The following CAMK4 variants were observed in gnomAD, a reference collection of about 807,000 sequenced individuals.
CAMK4 encodes the protein calcium/calmodulin dependent protein kinase IV, also known as calcium/calmodulin-dependent protein kinase type IV.
CAMK4 carries 22 observed loss-of-function variants against 44.9 expected under a neutral mutation model. That is an observed-to-expected ratio of 0.49 (90% confidence interval 0.35 to 0.70). The LOEUF is 0.70. Among genes scored for constraint, CAMK4 ranks in the 30% least tolerant of loss-of-function variants. The probability of loss-of-function intolerance (pLI) is 0.01; values close to 1 mark genes in which losing one functional copy is unlikely to be tolerated. For missense variants in CAMK4, 498 were observed against 586.8 expected, an observed-to-expected ratio of 0.85 and a Z score of 1.56; for synonymous variants, 218 against 215.4, an observed-to-expected ratio of 1.01 and a Z score of -0.11.
At chr5:111,235,288 G>A (rs1344458713) in intron 1 of CAMK4, among the ~76,000 whole-genome samples, 2 of 152,050 alleles carry the variant, frequency 1.3e-5, no homozygotes, top group African/African-American at 4.8e-5. Flanking sequence ...ATTCAAATAA[G>A]TCATTTTTAT....
At chr5:111,460,319 G>A (rs1317582667) in intron 7 of CAMK4, among the ~76,000 whole-genome samples, 1 of 131,554 alleles carries the variant, frequency 7.6e-6, no homozygotes, top group African/African-American at 2.8e-5. Context: ...CCATGCTGGA[G>A]TGCAGTGGTG....
At chr5:111,258,955 A>G (rs1329593642) in intron 1 of CAMK4, among the ~76,000 whole-genome samples, 2 of 152,184 alleles carry the variant, frequency 1.3e-5, no homozygotes, top group Non-Finnish European at 1.5e-5. Context: ...AAATCTCAAC[A>G]TACGGTATGA....
chr5:111,274,281 GT>G (rs760809785), intron 1 of CAMK4, among the ~76,000 whole-genome samples: 1 of 151,922 alleles, frequency 6.6e-6, no homozygotes, highest in Non-Finnish European at 1.5e-5. Context: ...CCCTTAACTT[GT>G]TTTATTTTTC....
intron 1 of CAMK4, among the ~76,000 whole-genome samples, chr5:111,283,891 C>T (rs959406108): frequency 1.3e-5 from 2 of 152,190 alleles, no homozygotes; most frequent in African/African-American, 4.8e-5. Context: ...TTTCCATCCT[C>T]ATGAGCATTT....
intron 2 of CAMK4, among the ~76,000 whole-genome samples, chr5:111,363,892 T>A (rs1561440554): frequency 6.6e-6 from 1 of 152,112 alleles, no homozygotes; most frequent in Non-Finnish European, 1.5e-5. Flanking sequence ...AGTAACATGA[T>A]CTGATTTACA....
intron 2 of CAMK4, among the ~76,000 whole-genome samples, chr5:111,361,262 T>C (rs1050265270): frequency 2.0e-5 from 3 of 152,058 alleles, no homozygotes; most frequent in Non-Finnish European, 4.4e-5. Context: ...ATAAGCTTTT[T>C]TGGCTTTGTA....
At chr5:111,379,544 A>G (rs1369699814) in intron 4 of CAMK4, among the ~76,000 whole-genome samples, 2 of 152,118 alleles carry the variant, frequency 1.3e-5, no homozygotes, top group African/African-American at 2.4e-5. Flanking sequence ...CCATTAAGTT[A>G]CTTAATTCTG....
At chr5:111,476,870 T>C (rs1057192825) in intron 8 of CAMK4, among the ~76,000 whole-genome samples, 2 of 152,166 alleles carry the variant, frequency 1.3e-5, no homozygotes, top group Admixed American at 1.3e-4. Flanking sequence ...TTTACCTCTG[T>C]CACCAAAGCA....
Position 111,224,514 on chromosome 5 carries a change from G to A in CAMK4, c.31G>A (p.Ala11Thr), listed in dbSNP as rs367616588. The A allele has an allele frequency of 1.8e-5, 29 of 1,610,306 alleles. No individual in the cohort carries two copies. In the African/African-American group the frequency reaches 3.2e-4, roughly 18 times the overall value. The change falls in exon 1 of 11, where the codon GCC becomes ACC. Residue 11 changes from alanine (A) to threonine (T), a missense_variant. Physicochemically the swap from Ala to Thr is moderately conservative, Grantham distance 58 (BLOSUM62 0). Transcript: ENST00000282356. The surrounding 1 kb of genome is among the most constrained non-coding windows in gnomAD (Gnocchi z 5.7). Reference protein sequence around the residue: MLKVTVPSCSASSCSSVTASA... With the variant: MLKVTVPSCSTSSCSSVTASA... ...CAAAGTCACGGTGCCCTCCTGCTCC[G>A]CCTCGTCCTGCTCTTCGGTCACCGC...
intron 5 of CAMK4, among the ~76,000 whole-genome samples, chr5:111,407,712 A>G (rs1299996913): frequency 5.3e-5 from 8 of 152,350 alleles, no homozygotes; most frequent in Middle Eastern, 3.4e-3. Flanking sequence ...GAAATCATGA[A>G]CAAGGAATTC....
At chr5:111,357,630 T>G (rs1315136984) in intron 2 of CAMK4, among the ~76,000 whole-genome samples, 2 of 151,976 alleles carry the variant, frequency 1.3e-5, no homozygotes, top group African/African-American at 2.4e-5. Context: ...AGAGGGGAAA[T>G]GAACTATGTA....
intron 7 of CAMK4, among the ~76,000 whole-genome samples, chr5:111,465,967 C>G (rs34621221): frequency 1.3e-5 from 2 of 152,104 alleles, no homozygotes; most frequent in African/African-American, 4.8e-5. Context: ...ACCAGCTAAC[C>G]TAATTCAACA....
At chr5:111,467,949 C>CACACAG (rs1554074262) in intron 7 of CAMK4, among the ~76,000 whole-genome samples, 4 of 151,608 alleles carry the variant, frequency 2.6e-5, no homozygotes, top group African/African-American at 9.7e-5. Context: ...CACACACACA[C>CACACAG]ACACACACAC....
intron 1 of CAMK4, among the ~76,000 whole-genome samples, chr5:111,257,842 C>T (rs547106302): frequency 1.3e-5 from 2 of 152,236 alleles, no homozygotes; most frequent in Non-Finnish European, 2.9e-5. Context: ...TCATGTCCTT[C>T]GCAGGACATG....
chr5:111,375,805 C>T (rs1751193350), intron 3 of CAMK4, among the ~76,000 whole-genome samples: 1 of 152,156 alleles, frequency 6.6e-6, no homozygotes, highest in South Asian at 2.1e-4. Context: ...TGACTTTCAT[C>T]CTCATGCTTT....
intron 7 of CAMK4, among the ~76,000 whole-genome samples, chr5:111,457,869 G>T (rs994498647): frequency 1.3e-5 from 2 of 152,178 alleles, no homozygotes; most frequent in Non-Finnish European, 2.9e-5. Context: ...ACCCAAGAAT[G>T]AATTAAATAC....
chr5:111,241,831 C>T (rs1376658510), intron 1 of CAMK4, among the ~76,000 whole-genome samples: 4 of 152,156 alleles, frequency 2.6e-5, no homozygotes, highest in African/African-American at 9.7e-5. Context: ...GAGAAGCTGT[C>T]CCTGGAATCT....
At chr5:111,424,606 G>A (rs1008701653) in intron 5 of CAMK4, among the ~76,000 whole-genome samples, 3 of 151,382 alleles carry the variant, frequency 2.0e-5, no homozygotes, top group East Asian at 2.0e-4. Flanking sequence ...CACCACGCCC[G>A]GCTAATTTTT....
chr5:111,380,009 G>C (rs1454752363), intron 4 of CAMK4, among the ~76,000 whole-genome samples: 1 of 152,176 alleles, frequency 6.6e-6, no homozygotes, highest in Non-Finnish European at 1.5e-5. Flanking sequence ...GACATCATGA[G>C]AAGAAGAAAG....
Sources: allele counts gnomAD v4.1 joint callset (sites outside exome capture counted in the v4.1 genomes callset), GRCh38; gene constraint gnomAD v4.1.1; non-coding constraint Gnocchi (gnomAD v3.1); transcripts MANE v1.5; gene names NCBI Gene and HGNC (gene_info 2026-07-23, HGNC 2026-07-21).